The following PARVG variants were observed in gnomAD, a reference collection of about 807,000 sequenced individuals.
The protein encoded by PARVG is gamma-parvin.
PARVG carries 36 observed loss-of-function variants against 44.4 expected under a neutral mutation model. That is an observed-to-expected ratio of 0.81 (90% CI 0.62 to 1.07). The LOEUF (loss-of-function observed/expected upper bound fraction) is 1.07. PARVG is among the 50% of genes least tolerant of loss of function. The pLI is 0.00. For synonymous variants in PARVG, 170 were observed against 174.1 expected, an observed-to-expected ratio of 0.98 and a Z score of 0.19; for missense variants, 407 against 407.4, an observed-to-expected ratio of 1.00 and a Z score of 0.01.
At chr22:44,200,442 G>A (rs767041343) in intron 12 of PARVG, among the ~76,000 whole-genome samples, 2 of 152,178 alleles carry the variant, frequency 1.3e-5, no homozygotes, top group Non-Finnish European at 2.9e-5. Context: ...GAGAACCATC[G>A]AGGAGAAAGC....
intron 9 of PARVG, among the ~76,000 whole-genome samples, chr22:44,195,639 G>A (rs996211717): frequency 2.6e-5 from 4 of 152,200 alleles, no homozygotes; most frequent in African/African-American, 9.6e-5. Context: ...CACTCTTGGG[G>A]GCGGGGGGAG....
Position 44,196,612 on chromosome 22 carries a change from T to TGG in PARVG, c.711+198_711+199dup, listed in dbSNP as rs3215504. On this transcript the variant is annotated intron_variant, in intron 11 of 13. Transcript: ENST00000444313. ...CAGGGACATGGTGGGATCCCGGGGG[T>TGG]GGAGGTGTGGGAACACTTCACAAAG... 5.8e-3 allele frequency among the ~76,000 whole-genome samples: 874 copies of TGG among 151,424 alleles called. 3 individuals carry two copies. Among genetic ancestry groups the TGG allele is most frequent in the Middle Eastern group, 0.014 (4 of 290 alleles).
At chr22:44,202,624 A>G (rs548846038) in intron 12 of PARVG, among the ~76,000 whole-genome samples, 77 of 152,230 alleles carry the variant, frequency 5.1e-4, no homozygotes, top group Non-Finnish European at 7.3e-4. Context: ...TTTACAGCAT[A>G]TTGTGGGCAA....
intron 9 of PARVG, among the ~76,000 whole-genome samples, chr22:44,194,584 C>T (rs2054592546): frequency 6.6e-6 from 1 of 151,648 alleles, no homozygotes; most frequent in Non-Finnish European, 1.5e-5. Flanking sequence ...TCCCTCCATC[C>T]ATCCATTCAT....
At chr22:44,181,659 C>T in intron 1 of PARVG, 83 bp from the exon 2 acceptor site, 2 of 960,842 alleles carry the variant, frequency 2.1e-6, no homozygotes, top group Non-Finnish European at 2.5e-6. Flanking sequence ...GCACGGCGGG[C>T]GCTGGGGCTC....
At chr22:44,174,176 G>A (rs1283269163) in intron 1 of PARVG, among the ~76,000 whole-genome samples, 1 of 152,094 alleles carries the variant, frequency 6.6e-6, no homozygotes, top group Non-Finnish European at 1.5e-5. Flanking sequence ...TGGAGTGAGA[G>A]AAAATGCCCA....
intron 12 of PARVG, among the ~76,000 whole-genome samples, chr22:44,202,372 C>A (rs2054721723): frequency 6.6e-6 from 1 of 152,174 alleles, no homozygotes. Context: ...GGGCTGAGGG[C>A]CTGGGGCTCG....
intron 1 of PARVG, among the ~76,000 whole-genome samples, chr22:44,174,806 C>T (rs538147913): frequency 4.6e-5 from 7 of 152,206 alleles, no homozygotes; most frequent in Non-Finnish European, 7.4e-5. Context: ...CCTGATTCTC[C>T]GACCTTTCTC....
intron 12 of PARVG, among the ~76,000 whole-genome samples, chr22:44,199,321 C>T (rs922601820): frequency 2.0e-5 from 3 of 152,042 alleles, no homozygotes; most frequent in African/African-American, 7.2e-5. Flanking sequence ...GTCCATTCAC[C>T]TGCTTGTCCT....
At chr22:44,178,958 C>T (rs1039719054), upstream of PARVG, among the ~76,000 whole-genome samples, 29 of 151,862 alleles carry the variant, frequency 1.9e-4, no homozygotes, top group African/African-American at 6.3e-4. Context: ...TAGAGATATC[C>T]CTAAAGTGAT....
At position 44,198,925 on chromosome 22, in the gene PARVG, CCCATCCATCCATCCACCCACCCAT is replaced by C. The variant is rs1168703535; in HGVS notation, c.813+219_813+242del. On this transcript the variant is annotated intron_variant, in intron 12 of 13. Transcript: ENST00000444313. ...ATCCATCTACCCATCCATCCATCTA[CCCATCCATCCATCCACCCACCCAT>C]CCATCCATCCATCCATCCATCCATC... Among the ~76,000 whole-genome samples the C allele has an allele frequency of 8.0e-4, 37 of 46,288 alleles. 2 individuals are homozygous for C. Among genetic ancestry groups the C allele is most frequent in the Non-Finnish European group, 1.3e-3 (25 of 18,908 alleles). 30.4% of individuals were successfully genotyped at this position (46,288 alleles called of 152,430 possible). A position where few individuals can be genotyped will look rare whatever the true frequency, so the allele number is the denominator to read the frequency against.
At chr22:44,196,068 A>T in intron 9 of PARVG, 87 bp from the exon 10 acceptor site, 1 of 1,477,114 alleles carries the variant, frequency 6.8e-7, no homozygotes, top group Non-Finnish European at 9.4e-7. Flanking sequence ...TGGTTATTCT[A>T]AGAAACTTTT....
intron 9 of PARVG, among the ~76,000 whole-genome samples, chr22:44,195,066 GATA>G (rs2054600829): frequency 6.6e-6 from 1 of 152,190 alleles, no homozygotes; most frequent in East Asian, 1.9e-4. Context: ...CAGAGGTAGA[GATA>G]ATAACCTGCC....
chr22:44,173,263 G>A, intron 1 of PARVG: 3 of 1,146,294 alleles, frequency 2.6e-6, no homozygotes, highest in Non-Finnish European at 2.2e-6. Flanking sequence ...GCGGCCAGGA[G>A]CACAGGCTGC....
intron 9 of PARVG, among the ~76,000 whole-genome samples, chr22:44,195,645 G>T (rs1204133582): frequency 6.6e-6 from 1 of 152,202 alleles, no homozygotes; most frequent in Non-Finnish European, 1.5e-5. Context: ...TGGGGGCGGG[G>T]GGAGGCAGCA....
intron 3 of PARVG, chr22:44,184,907 A>G (rs139129): frequency 0.81 from 122,314 of 151,774 alleles, 49,536 homozygotes; most frequent in East Asian, 0.93. Flanking sequence ...ACTGATTTAA[A>G]TTACTAAAAG....
In PARVG at chr22:44,206,435, G is replaced by T. The variant is rs2054782875; in HGVS notation, c.*9G>T. ...ATGGAGCCCCGAATTGACCCTCACT[G>T]CCTCCAAAGCCCAGAGCCTGCCTGT... On this transcript the variant is annotated 3_prime_UTR_variant, in exon 14 of 14. Transcript: ENST00000444313. 6.2e-7 allele frequency: 1 copy of T among 1,612,770 alleles called. No homozygotes were observed.
intron 1 of PARVG, chr22:44,181,445 G>A: frequency 1.1e-5 from 11 of 958,668 alleles, no homozygotes; most frequent in African/African-American, 1.8e-5. Flanking sequence ...GGAGGACGGC[G>A]GTGCGGGATG....
At chr22:44,193,756 G>T in intron 8 of PARVG, 45 bp from the exon 9 acceptor site, 1 of 1,424,994 alleles carries the variant, frequency 7.0e-7, no homozygotes. Flanking sequence ...TTTGCGGGGT[G>T]TTTTTTTTTT....
Sources: allele counts gnomAD v4.1 joint callset (sites outside exome capture counted in the v4.1 genomes callset), GRCh38; gene constraint gnomAD v4.1.1; transcripts MANE v1.5; gene names NCBI Gene and HGNC (gene_info 2026-07-23, HGNC 2026-07-21).